Variants in RHOBTB3 observed in about 807,000 individuals in gnomAD.
RHOBTB3 encodes the protein Rho related BTB domain containing 3, also known as rho-related BTB domain-containing protein 3.
A neutral mutation model predicts 67.2 loss-of-function variants in RHOBTB3; 47 were observed. The ratio of observed to expected loss-of-function variants is 0.70; its 90% CI spans 0.55 to 0.89. RHOBTB3 has a LOEUF of 0.89. Among genes scored for constraint, RHOBTB3 ranks in the 40% least tolerant of loss-of-function variants. The pLI is 0.00. For missense variants in RHOBTB3, 631 were observed against 750.0 expected, an observed-to-expected ratio of 0.84 and a Z score of 1.85; for synonymous variants, 273 against 274.2, an observed-to-expected ratio of 1.00 and a Z score of 0.04.
At chr5:95,731,230 A>C, upstream of RHOBTB3, 1 of 1,002,264 alleles carries the variant, frequency 1.0e-6, no homozygotes. Context: ...CATCCGCCCG[A>C]CCCCCGGGGC....
chr5:95,731,485 C>G lies in RHOBTB3; in HGVS notation c.-198C>G. 1.6e-6 allele frequency: 2 copies of G among 1,233,326 alleles called. No individual in the cohort carries two copies. Among genetic ancestry groups the G allele is most frequent in the Non-Finnish European group, 2.0e-6 (2 of 991,500 alleles). 76.4% of individuals were successfully genotyped at this position (1,233,326 alleles called of 1,614,324 possible). ...GGCAGCTTATCCCCCGCCCGCTAGC[C>G]CGCCCTGGTCCCCGGCTCGCTCGCT... is the stretch of plus-strand genomic sequence containing the variant. On this transcript the variant is annotated 5_prime_UTR_variant, in exon 1 of 12. Coordinates refer to ENST00000379982, the MANE Select transcript of RHOBTB3 (RefSeq NM_014899.4).
At chr5:95,782,411 CAG>C (rs1347430637) in intron 9 of RHOBTB3, 1 of 152,130 alleles carries the variant, frequency 6.6e-6, no homozygotes, top group Non-Finnish European at 1.5e-5. Context: ...TTATTGGGTA[CAG>C]AGTTTCAGTT....
chr5:95,766,451 A>C (rs2112812324), intron 7 of RHOBTB3, among the ~76,000 whole-genome samples: 1 of 152,270 alleles, frequency 6.6e-6, no homozygotes, highest in East Asian at 1.9e-4. Flanking sequence ...TTTCCAAATT[A>C]GGGAACAACA....
At chr5:95,752,209 T>A (rs1384890492) in intron 4 of RHOBTB3, 30 bp from the exon 5 acceptor site, 2 of 1,303,310 alleles carry the variant, frequency 1.5e-6, no homozygotes, top group Non-Finnish European at 2.2e-6. Context: ...TTTTGTTGGA[T>A]CTTCAATTAA....
chr5:95,776,239 C>T (rs1580423295), intron 8 of RHOBTB3, among the ~76,000 whole-genome samples: 2 of 151,830 alleles, frequency 1.3e-5, no homozygotes, highest in East Asian at 1.9e-4. Context: ...AAACCCCATC[C>T]CTATTAAAAA....
intron 8 of RHOBTB3, chr5:95,770,057 G>C (rs763272890): frequency 3.8e-5 from 13 of 342,134 alleles, no homozygotes; most frequent in Non-Finnish European, 6.5e-5. Flanking sequence ...AGAGGTCATT[G>C]GGACCAAAGG....
At chr5:95,791,354 G>A (rs1360380866) in intron 11 of RHOBTB3, among the ~76,000 whole-genome samples, 1 of 152,074 alleles carries the variant, frequency 6.6e-6, no homozygotes, top group African/African-American at 2.4e-5. Context: ...GTTACCCTTG[G>A]CATTTATGGA....
At chr5:95,785,309 G>A (rs66687534) in intron 10 of RHOBTB3, among the ~76,000 whole-genome samples, 31,424 of 152,162 alleles carry the variant, frequency 0.21, 3,306 homozygotes, top group South Asian at 0.27. Context: ...AAATTGAGTA[G>A]GGCCAGGCGT....
chr5:95,764,293 T>C (rs1554068001), intron 7 of RHOBTB3, among the ~76,000 whole-genome samples: 1 of 152,168 alleles, frequency 6.6e-6, no homozygotes, highest in Non-Finnish European at 1.5e-5. Flanking sequence ...GAGGGTGCCT[T>C]CTCACTCCTC....
intron 5 of RHOBTB3, 127 bp from the exon 6 acceptor site, chr5:95,755,269 C>A: frequency 1.5e-6 from 1 of 649,746 alleles, no homozygotes; most frequent in Non-Finnish European, 2.2e-6. Context: ...TAAATATTGG[C>A]TGTTTCTTAT....
At chr5:95,733,232 C>A (rs1755351088) in intron 2 of RHOBTB3, among the ~76,000 whole-genome samples, 1 of 152,146 alleles carries the variant, frequency 6.6e-6, no homozygotes, top group Non-Finnish European at 1.5e-5. Flanking sequence ...TATTAAACCC[C>A]TAGTTATGAT....
intron 8 of RHOBTB3, chr5:95,770,625 A>G: frequency 2.0e-6 from 1 of 489,064 alleles, no homozygotes; most frequent in Admixed American, 2.0e-5. Flanking sequence ...CATTAATTAC[A>G]GCAGAAGTCA....
At chr5:95,767,556 T>C (rs1244763315) in intron 7 of RHOBTB3, among the ~76,000 whole-genome samples, 1 of 152,194 alleles carries the variant, frequency 6.6e-6, no homozygotes, top group Admixed American at 6.5e-5. Context: ...CAGGCTGGTC[T>C]CAAACTCCAG....
upstream of RHOBTB3, chr5:95,730,983 T>TCC (rs1397204798): frequency 1.7e-6 from 1 of 571,744 alleles, no homozygotes; most frequent in African/African-American, 1.9e-5. Flanking sequence ...TTCCCTAACC[T>TCC]CCTTTTTCCA....
intron 4 of RHOBTB3, among the ~76,000 whole-genome samples, chr5:95,748,925 C>T (rs551285433): frequency 1.3e-4 from 20 of 152,318 alleles, no homozygotes; most frequent in Admixed American, 1.3e-4. Flanking sequence ...AATTTTATAT[C>T]CTCCTAATCT....
chr5:95,776,626 C>G (rs1246938635), intron 8 of RHOBTB3, among the ~76,000 whole-genome samples: 1 of 152,086 alleles, frequency 6.6e-6, no homozygotes, highest in African/African-American at 2.4e-5. Flanking sequence ...TAGACCAGAA[C>G]TGATATACTG....
intron 2 of RHOBTB3, chr5:95,732,791 G>A (rs1317993473): frequency 6.6e-6 from 1 of 152,204 alleles, no homozygotes; most frequent in Non-Finnish European, 1.5e-5. Flanking sequence ...ATTCTTGAGT[G>A]TTTGATTAAG....
At chr5:95,740,538 A>G (rs1382697909) in intron 3 of RHOBTB3, among the ~76,000 whole-genome samples, 1 of 152,178 alleles carries the variant, frequency 6.6e-6, no homozygotes, top group Non-Finnish European at 1.5e-5. Context: ...TTAGTTTGCA[A>G]ATTTTACAAA....
chr5:95,757,396 A>G (rs1315880979), intron 6 of RHOBTB3, among the ~76,000 whole-genome samples: 2 of 152,208 alleles, frequency 1.3e-5, no homozygotes, highest in Admixed American at 6.5e-5. Flanking sequence ...CTGTTAGGCT[A>G]AGGTCACTCC....
Sources: gnomAD v4.1 joint callset for allele counts (sites outside exome capture counted in the v4.1 genomes callset) on GRCh38, gnomAD v4.1.1 for gene constraint, MANE v1.5 for transcripts, NCBI Gene and HGNC (gene_info 2026-07-23, HGNC 2026-07-21) for gene names.